Variants in MAST3 observed in about 807,000 individuals in gnomAD.
MAST3 encodes the protein microtubule-associated serine/threonine-protein kinase 3.
A neutral mutation model predicts 127.0 loss-of-function variants in MAST3; 43 were observed. The ratio of observed to expected loss-of-function variants is 0.34; its 90% CI spans 0.27 to 0.44. The LOEUF is 0.44. MAST3 is among the 20% of genes least tolerant of loss of function. The pLI is 1.00. For missense variants in MAST3, 1,390 were observed against 1,919.1 expected, an observed-to-expected ratio of 0.72 and a Z score of 5.15; for synonymous variants, 785 against 809.2, an observed-to-expected ratio of 0.97 and a Z score of 0.51.
chr19:18,138,320 GTTT>G (rs66532271), intron 19 of MAST3, among the ~76,000 whole-genome samples: 57 of 142,228 alleles, frequency 4.0e-4, no homozygotes, highest in South Asian at 6.6e-4. Flanking sequence ...CCCACAACCT[GTTT>G]TTTTTTTTTT....
Position 18,145,021 on chromosome 19 carries a change from C to A in MAST3, c.2831C>A (p.Pro944His). Reference sequence around the variant, plus strand: ...CCTGCAGATGATGGCAGCGGCGGCCCCCTCATGAGCCCCCTTTCCCCGCGC... The same window carrying A: ...CCTGCAGATGATGGCAGCGGCGGCCACCTCATGAGCCCCCTTTCCCCGCGC... ...IITADDGSGG[P>H]LMSPLSPRSL... The change falls in exon 24 of 28, where the codon CCC (proline) becomes CAC (histidine). Residue 944 changes from proline (P) to histidine (H), a missense_variant. Physicochemically the swap from Pro to His is moderately conservative, Grantham distance 77. Coordinates refer to ENST00000687212, the MANE Select transcript of MAST3 (RefSeq NM_001393504.1). The surrounding 1 kb of genome is among the most constrained non-coding windows in gnomAD (Gnocchi z 5.9). 7 of 1,599,798 alleles carry A rather than the reference C, an allele frequency of 4.4e-6. No homozygotes were observed. Among genetic ancestry groups the A allele is most frequent in the Non-Finnish European group, 6.0e-6 (7 of 1,172,458 alleles).
At chr19:18,129,646 T>C (rs1377234196) in intron 13 of MAST3, among the ~76,000 whole-genome samples, 1 of 152,118 alleles carries the variant, frequency 6.6e-6, no homozygotes, top group Non-Finnish European at 1.5e-5. Context: ...GTGCTAGCGG[T>C]CTTTTAAAAG....
At chr19:18,100,126 C>CTTTTTTTTTTTTTTTTTTTT (rs201140700) in intron 1 of MAST3, among the ~76,000 whole-genome samples, 4 of 117,004 alleles carry the variant, frequency 3.4e-5, no homozygotes, top group Non-Finnish European at 3.7e-5. Context: ...CTCTCTCTCT[C>CTTTTTTTTTTTTTTTTTTTT]TCTTTTTTTT....
In MAST3 at chr19:18,145,574, G is replaced by A. The variant is rs984908693; in HGVS notation, c.3040-169G>A. Among the ~76,000 whole-genome samples, 5 of 148,104 alleles carry A rather than the reference G, an allele frequency of 3.4e-5. No individual in the cohort carries two copies. Among genetic ancestry groups the A allele is most frequent in the African/African-American group, 1.3e-4 (5 of 39,950 alleles). On this transcript the variant is annotated intron_variant, in intron 24 of 27. Coordinates refer to ENST00000687212, the MANE Select transcript of MAST3 (RefSeq NM_001393504.1). The surrounding 1 kb of genome is among the most constrained non-coding windows in gnomAD (Gnocchi z 5.9). ...CAGAAGGCTTTCTGGAGAAGGGGGC[G>A]TAGGAGCTGGGGCTTTGATGGGTGA...
intron 1 of MAST3, among the ~76,000 whole-genome samples, chr19:18,105,707 C>T (rs998261242): frequency 2.0e-5 from 3 of 152,154 alleles, no homozygotes; most frequent in East Asian, 3.9e-4. Context: ...AAAAAACCCT[C>T]TTGGGCAGCC....
At chr19:18,130,738 G>C (rs771884785) in intron 14 of MAST3, 36 bp downstream of exon 14, 1 of 1,596,928 alleles carries the variant, frequency 6.3e-7, no homozygotes, top group Non-Finnish European at 8.5e-7. Flanking sequence ...TCCAGCGATG[G>C]GGAGCTCACC....
At chr19:18,113,073 C>T (rs149334589) in intron 3 of MAST3, among the ~76,000 whole-genome samples, 19 of 152,194 alleles carry the variant, frequency 1.2e-4, no homozygotes, top group Non-Finnish European at 2.4e-4. Flanking sequence ...TGTTGGAGGC[C>T]GCTGAGCAGA....
rs1599946444 is a variant in MAST3, at chr19:18,150,492, C to T, written c.*766C>T. 6.6e-6 allele frequency: 1 copy of T among 152,310 alleles called. No homozygotes were observed. Among genetic ancestry groups the T allele is most frequent in the East Asian group, 1.9e-4 (1 of 5,202 alleles). 9.4% of individuals were successfully genotyped at this position (152,310 alleles called of 1,614,324 possible). Reference sequence around the variant, plus strand: ...TTGTGTTACCTGGTCTCATTCCCCTCCCCACACCTACCCATTTGAGGGGAT... The same window carrying T: ...TTGTGTTACCTGGTCTCATTCCCCTTCCCACACCTACCCATTTGAGGGGAT... On this transcript the variant is annotated 3_prime_UTR_variant, in exon 28 of 28. Transcript: ENST00000687212.
intron 3 of MAST3, 150 bp from the exon 4 acceptor site, chr19:18,121,535 G>A (rs2039977961): frequency 1.5e-6 from 1 of 680,274 alleles, no homozygotes; most frequent in South Asian, 1.8e-5. Flanking sequence ...TAAGGGCCAT[G>A]GGGGAACCCA....
chr19:18,124,931 AC>A (rs111723470), intron 11 of MAST3, among the ~76,000 whole-genome samples, 157 bp downstream of exon 11: 13 of 135,710 alleles, frequency 9.6e-5, no homozygotes, highest in South Asian at 4.7e-4. Flanking sequence ...CATGGTGGAA[AC>A]CCCCCCCCTA....
intron 3 of MAST3, among the ~76,000 whole-genome samples, chr19:18,115,889 C>T (rs1224415076): frequency 6.6e-6 from 1 of 152,186 alleles, no homozygotes; most frequent in Non-Finnish European, 1.5e-5. Context: ...TGTGGTCAGC[C>T]CCGCTGGCAT....
At chr19:18,128,748 G>T (rs1245978161) in intron 12 of MAST3, 118 bp from the exon 13 acceptor site, 8 of 797,086 alleles carry the variant, frequency 1.0e-5, no homozygotes, top group Non-Finnish European at 1.5e-5. Context: ...AGTTGGAGAA[G>T]TTTGGACAGG....
Position 18,149,378 on chromosome 19 carries a change from C to A in MAST3, c.3696C>A (p.Ile1232=). ...IPPSPLACPP[I]SAPPPRSPSP... is the part of the protein sequence containing the mutation. ...CCTCCCCGCTGGCCTGCCCGCCCAT[C>A]TCCGCGCCCCCACCCCGCTCGCCCT... Residue 1232 remains isoleucine, a synonymous_variant, in exon 28 of 28, where the codon ATC becomes ATA. Coordinates refer to ENST00000687212, the MANE Select transcript of MAST3 (RefSeq NM_001393504.1). This position sits in a 1 kb window ranked among gnomAD's most constrained non-coding sequence, Gnocchi z 5.9. 6.8e-7 allele frequency: 1 copy of A among 1,479,620 alleles called. No homozygotes were observed. The highest frequency in any genetic ancestry group is 1.3e-5 in the South Asian group (1 of 77,578). The allele number at this position is 1,479,620 out of a possible 1,614,324, so 91.7% of individuals were successfully genotyped here.
chr19:18,147,562 C>T lies in MAST3; in HGVS notation c.3446C>T (p.Thr1149Ile). The T allele has an allele frequency of 6.3e-7, 1 of 1,587,302 alleles. No homozygotes were observed. Among genetic ancestry groups the T allele is most frequent in the African/African-American group, 1.3e-5 (1 of 74,150 alleles). The change falls in exon 27 of 28, where the codon ACC becomes ATC. Residue 1149 changes from threonine to isoleucine, a missense_variant. Physicochemically the swap from Thr to Ile is moderately conservative, Grantham distance 89. This residue lies in a region of MAST3 where 816 missense variants were observed against 934.1 expected (regional missense o/e 0.87). Coordinates refer to ENST00000687212, the MANE Select transcript of MAST3 (RefSeq NM_001393504.1). ...AGTGAGAGCCTCCCCGGCTCGCCCA[C>T]CCACAGCCTCTCCCCCAGCCCCACC... ...SSSESLPGSPTHSLSPSPTTP... is the reference protein window; with the variant it reads ...SSSESLPGSPIHSLSPSPTTP...
intron 15 of MAST3, among the ~76,000 whole-genome samples, chr19:18,132,740 C>T (rs906957647): frequency 6.6e-6 from 1 of 152,170 alleles, no homozygotes; most frequent in African/African-American, 2.4e-5. Flanking sequence ...GTCAGGTGTC[C>T]TCGAGATACG....
intron 3 of MAST3, among the ~76,000 whole-genome samples, chr19:18,119,592 A>C (rs1053178785): frequency 1.3e-5 from 2 of 152,206 alleles, no homozygotes; most frequent in African/African-American, 4.8e-5. Context: ...CTCAGGAGGC[A>C]CTGGCTGCCC....
At chr19:18,136,520 A>C (rs2041905420) in intron 18 of MAST3, among the ~76,000 whole-genome samples, 1 of 152,050 alleles carries the variant, frequency 6.6e-6, no homozygotes, top group African/African-American at 2.4e-5. Context: ...GGCTCAAGCG[A>C]TCCTCCCACC....
At chr19:18,138,208 G>GA (rs72398038) in intron 19 of MAST3, among the ~76,000 whole-genome samples, 35 of 142,914 alleles carry the variant, frequency 2.4e-4, no homozygotes, top group Admixed American at 5.7e-4. Flanking sequence ...AAAACTGCCT[G>GA]AAAAAAAAAA....
At chr19:18,148,502 A>C (rs1394998997) in intron 27 of MAST3, among the ~76,000 whole-genome samples, 1 of 152,020 alleles carries the variant, frequency 6.6e-6, no homozygotes, top group East Asian at 1.9e-4. Flanking sequence ...CAGAAGTGAT[A>C]CAGAGAAGGC....
Sources: allele counts gnomAD v4.1 joint callset (sites outside exome capture counted in the v4.1 genomes callset), GRCh38; gene constraint gnomAD v4.1.1; regional missense constraint gnomAD v4.1.1; non-coding constraint Gnocchi (gnomAD v3.1); transcripts MANE v1.5; gene names NCBI Gene and HGNC (gene_info 2026-07-23, HGNC 2026-07-21).